TXNDC16: variants seen among roughly 807,000 people sequenced by gnomAD.
The protein encoded by TXNDC16 is thioredoxin domain-containing protein 16.
Under a neutral mutation model 85.6 loss-of-function variants are expected in TXNDC16, and 74 were observed. That is an observed-to-expected ratio of 0.86 (90% CI 0.72 to 1.05). The LOEUF (loss-of-function observed/expected upper bound fraction) is 1.05. Ranked by LOEUF, TXNDC16 falls within the 50% of genes least tolerant of loss-of-function variation. The pLI, the probability that TXNDC16 is intolerant of heterozygous loss-of-function variation, is 0.00. For synonymous variants in TXNDC16, 335 were observed against 326.5 expected (o/e 1.03, Z -0.28); for missense variants, 959 against 947.0 (o/e 1.01, Z -0.17).
chr14:52,452,872 C>T (rs2140112772), intron 18 of TXNDC16, among the ~76,000 whole-genome samples: 1 of 152,048 alleles, frequency 6.6e-6, no homozygotes, highest in South Asian at 2.1e-4. Context: ...CAGCAAAGGA[C>T]ACAATCAACA....
At chr14:52,445,880 G>A (rs538716830) in intron 18 of TXNDC16, among the ~76,000 whole-genome samples, 2 of 152,110 alleles carry the variant, frequency 1.3e-5, no homozygotes, top group Non-Finnish European at 1.5e-5. Flanking sequence ...ACTGCCTATC[G>A]ATGCATTTCT....
At chr14:52,520,051 C>T (rs898747240) in intron 6 of TXNDC16, among the ~76,000 whole-genome samples, 1 of 152,088 alleles carries the variant, frequency 6.6e-6, no homozygotes, top group Non-Finnish European at 1.5e-5. Flanking sequence ...CAGCCTAGTA[C>T]ACTATATTCA....
At chr14:52,503,305 TCACTGGGAGGTACC>T (rs2036707681) in intron 9 of TXNDC16, among the ~76,000 whole-genome samples, 2 of 152,198 alleles carry the variant, frequency 1.3e-5, no homozygotes, top group Non-Finnish European at 2.9e-5. Flanking sequence ...CCAAGTAGCC[TCACTGGGAGGTACC>T]CCCCAGTAGG....
intron 6 of TXNDC16, among the ~76,000 whole-genome samples, chr14:52,520,532 C>A (rs2140194337): frequency 6.6e-6 from 1 of 152,194 alleles, no homozygotes; most frequent in Middle Eastern, 3.4e-3. Flanking sequence ...ATGGCATGAA[C>A]CCGGGAGGAG....
In TXNDC16 at chr14:52,445,691, T is replaced by G. The variant is rs550483607; in HGVS notation, c.1843-4967A>C. The stretch of plus-strand genomic sequence containing the variant: ...TACCATGTTTTTACTGTACCTTTTC[T>G]ATGTTTAGATTCACAAATATTTACC... On this transcript the variant is annotated intron_variant, in intron 18 of 20. Transcript: ENST00000281741. Among the ~76,000 whole-genome samples the G allele has an allele frequency of 2.0e-5, 3 of 152,334 alleles. No homozygotes were observed. In the East Asian group the frequency reaches 5.8e-4, roughly 29 times the overall value.
At chr14:52,527,984 T>C (rs1034878115) in intron 6 of TXNDC16, among the ~76,000 whole-genome samples, 5 of 152,146 alleles carry the variant, frequency 3.3e-5, no homozygotes, top group Admixed American at 6.6e-5. Context: ...AGCAGTGTTG[T>C]AAATATCCTA....
chr14:52,473,825 A>G (rs1386182575), intron 14 of TXNDC16, among the ~76,000 whole-genome samples: 1 of 152,224 alleles, frequency 6.6e-6, no homozygotes, highest in African/African-American at 2.4e-5. Context: ...CGACTAAGAG[A>G]TAACAAATGG....
At chr14:52,466,201 A>C (rs1245702237) in intron 16 of TXNDC16, among the ~76,000 whole-genome samples, 2 of 150,570 alleles carry the variant, frequency 1.3e-5, no homozygotes, top group African/African-American at 4.9e-5. Context: ...GCATACAAAG[A>C]AAAAAAAACC....
At chr14:52,527,535 A>C (rs764465410) in intron 6 of TXNDC16, among the ~76,000 whole-genome samples, 4 of 152,184 alleles carry the variant, frequency 2.6e-5, no homozygotes, top group Non-Finnish European at 4.4e-5. Flanking sequence ...GTAAAAGATA[A>C]GCACTTTATC....
At chr14:52,462,179 T>A (rs2035667741) in intron 16 of TXNDC16, among the ~76,000 whole-genome samples, 1 of 152,134 alleles carries the variant, frequency 6.6e-6, no homozygotes, top group Non-Finnish European at 1.5e-5. Flanking sequence ...TTTAAATGGT[T>A]TCTCTTTTAT....
chr14:52,488,831 G>GGAAAA (rs1336603891), intron 11 of TXNDC16, among the ~76,000 whole-genome samples: 1 of 89,958 alleles, frequency 1.1e-5, no homozygotes, highest in African/African-American at 4.6e-5. Context: ...GAGACTCTGG[G>GGAAAA]AAAAAAAAAA....
chr14:52,510,659 T>A lies in TXNDC16; in HGVS notation c.756+581A>T, dbSNP rs76795990. 9.5e-3 allele frequency among the ~76,000 whole-genome samples: 1,445 copies of A among 152,314 alleles called. 23 individuals carry two copies. The highest frequency in any genetic ancestry group is 0.041 in the Admixed American group (622 of 15,296). Reference sequence around the variant, plus strand: ...ATACACATGCACCACTTTTATATTTTAAAAAAGACATACTGAATGAGAATA... The same window carrying A: ...ATACACATGCACCACTTTTATATTTAAAAAAAGACATACTGAATGAGAATA... On this transcript the variant is annotated intron_variant, in intron 9 of 20. Coordinates refer to ENST00000281741, the MANE Select transcript of TXNDC16 (RefSeq NM_020784.3).
intron 20 of TXNDC16, among the ~76,000 whole-genome samples, chr14:52,433,550 T>A (rs1014867709): frequency 6.6e-6 from 1 of 152,200 alleles, no homozygotes; most frequent in African/African-American, 2.4e-5. Flanking sequence ...AAATTGAGTA[T>A]CTTTAAGAGC....
intron 4 of TXNDC16, among the ~76,000 whole-genome samples, chr14:52,538,664 G>T (rs1369220055): frequency 2.0e-5 from 3 of 152,002 alleles, no homozygotes; most frequent in Non-Finnish European, 4.4e-5. Context: ...AGAATGAAGG[G>T]GTTTCTAGAT....
chr14:52,545,036 T>C (rs1468696525), intron 1 of TXNDC16, among the ~76,000 whole-genome samples: 1 of 152,128 alleles, frequency 6.6e-6, no homozygotes, highest in Admixed American at 6.5e-5. Flanking sequence ...ATGCATGCAT[T>C]TCTGAGGCTA....
chr14:52,488,410 T>C lies in TXNDC16; in HGVS notation c.1061A>G (p.Glu354Gly), dbSNP rs1252570662. ...ATTGTCTTCATCTTCTTGTATTTCCTCAATGTGCATATTATTTTCCACATG... is the reference window on the plus strand; with the variant it reads ...ATTGTCTTCATCTTCTTGTATTTCCCCAATGTGCATATTATTTTCCACATG... ...ISHVENNMHI[E>G]EIQEDEDNDM... Residue 354 changes from glutamate (E) to glycine (G), a missense_variant, in exon 12 of 21, where the codon GAG becomes GGG. Physicochemically the swap from Glu to Gly is moderately conservative, Grantham distance 98. Transcript: ENST00000281741. 1.9e-6 allele frequency: 3 copies of C among 1,613,560 alleles called. 1 individual carries two copies. The highest frequency in any genetic ancestry group is 2.2e-5 in the South Asian group (2 of 91,042).
intron 9 of TXNDC16, among the ~76,000 whole-genome samples, chr14:52,491,396 C>T (rs1254825463): frequency 7.2e-6 from 1 of 138,802 alleles, no homozygotes; most frequent in African/African-American, 2.7e-5. Flanking sequence ...CGAGGTCTCC[C>T]TATGTTGCCC....
intron 4 of TXNDC16, 91 bp from the exon 5 acceptor site, chr14:52,537,763 T>C (rs1458781692): frequency 5.6e-5 from 41 of 734,840 alleles, no homozygotes; most frequent in South Asian, 1.4e-4. Flanking sequence ...AATATTACAG[T>C]TTGTTGCAGG....
chr14:52,517,944 A>C (rs1880876140), intron 7 of TXNDC16, among the ~76,000 whole-genome samples: 1 of 152,150 alleles, frequency 6.6e-6, no homozygotes, highest in Admixed American at 6.6e-5. Flanking sequence ...ACCACTCTAC[A>C]GAAACTGTGC....
Sources: allele counts gnomAD v4.1 joint callset (sites outside exome capture counted in the v4.1 genomes callset), GRCh38; gene constraint gnomAD v4.1.1; transcripts MANE v1.5; gene names NCBI Gene and HGNC (gene_info 2026-07-23, HGNC 2026-07-21).